Variants in ZNF214 observed in about 807,000 individuals in gnomAD.
The protein encoded by ZNF214 is zinc finger protein 214, also known as BWSCR2-associated zinc finger protein 1.
ZNF214 carries 43 observed loss-of-function variants against 53.9 expected under a neutral mutation model. The observed-to-expected ratio is 0.80, with a 90% CI of 0.63 to 1.03. ZNF214 has a LOEUF of 1.03. Ranked by LOEUF, ZNF214 falls within the 50% of genes least tolerant of loss-of-function variation. The pLI, the probability that ZNF214 is intolerant of heterozygous loss-of-function variation, is 0.00. For missense variants in ZNF214, 724 were observed against 719.1 expected (o/e 1.01, Z -0.08); for synonymous variants, 217 against 229.5 (o/e 0.95, Z 0.49).
Position 7,000,310 on chromosome 11 carries a change from C to T in ZNF214, c.1373G>A (p.Arg458His), listed in dbSNP as rs374861820. Residue 458 changes from arginine (R) to histidine (H), a missense_variant, in exon 3 of 3, where the codon CGC (arginine) becomes CAC (histidine). Physicochemically the swap from Arg to His is conservative, Grantham distance 29. Transcript: ENST00000278314. ...CCCTGTATGGACTCTCTGATGAATG[C>T]GAAGATCTGAGCTGTGACTAAAGTC... ...GKDFSHSSDL[R>H]IHQRVHTGEK... is the part of the protein sequence containing the mutation. The T allele has an allele frequency of 2.1e-5, 34 of 1,612,940 alleles. No homozygotes were observed. The highest frequency in any genetic ancestry group is 1.6e-4 in the Middle Eastern group (1 of 6,072).
rs1333120222 is a variant in ZNF214 at position 7,000,025 on chromosome 11, G to A, written c.1658C>T (p.Pro553Leu). 6 of 1,613,168 alleles carry A rather than the reference G, an allele frequency of 3.7e-6. No individual in the cohort carries two copies. The African/African-American group carries it at 8.0e-5, about 22-fold the overall frequency. ...IHQRVHTGEK[P>L]YQCAKCGKGF... Reference sequence around the variant, plus strand: ...TTTACCACACTTAGCACATTGATAAGGCTTCTCTCCTGTATGGACCCTCTG... The same window carrying A: ...TTTACCACACTTAGCACATTGATAAAGCTTCTCTCCTGTATGGACCCTCTG... The change falls in exon 3 of 3, where the codon CCT (proline) becomes CTT (leucine). Residue 553 changes from proline to leucine, a missense_variant. Coordinates refer to ENST00000278314, the MANE Select transcript of ZNF214 (RefSeq NM_013249.4).
chr11:6,998,479 T>C lies in ZNF214; in HGVS notation c.*1383A>G, dbSNP rs1271465503. Among the ~76,000 whole-genome samples, 2 of 152,050 alleles carry C rather than the reference T, an allele frequency of 1.3e-5. No homozygotes were observed. Among genetic ancestry groups the C allele is most frequent in the Non-Finnish European group, 2.9e-5 (2 of 67,958 alleles). On this transcript the variant is annotated 3_prime_UTR_variant, in exon 3 of 3. Coordinates refer to ENST00000278314, the MANE Select transcript of ZNF214 (RefSeq NM_013249.4). The stretch of plus-strand genomic sequence containing the variant: ...TTCTTTCTTAGTTTCCATCTCATTA[T>C]CCTTTTCAGATACATTTAAGATCAG...
chr11:7,010,552 C>T (rs529279946), intron 1 of ZNF214, among the ~76,000 whole-genome samples: 7 of 150,106 alleles, frequency 4.7e-5, no homozygotes, highest in African/African-American at 1.5e-4. Context: ...GTATATATAA[C>T]CCTAATCCTA....
At chr11:7,019,434 A>C (rs1851858039) in intron 1 of ZNF214, among the ~76,000 whole-genome samples, 1 of 152,186 alleles carries the variant, frequency 6.6e-6, no homozygotes, top group Non-Finnish European at 1.5e-5. Flanking sequence ...CAGCACACTT[A>C]AATAGTATCT....
chr11:7,009,685 A>G (rs1454795348), intron 1 of ZNF214, among the ~76,000 whole-genome samples: 1 of 152,216 alleles, frequency 6.6e-6, no homozygotes, highest in Non-Finnish European at 1.5e-5. Context: ...CATCTGACGA[A>G]GGTCCAAAGT....
chr11:6,999,896 T>C lies in ZNF214; in HGVS notation c.1787A>G (p.His596Arg), dbSNP rs934068421. ...TCCTCTTCTATGATTATTGTGAAGA[T>C]GTGAATTATGATCAAATCCCTTATA... The part of the protein sequence containing the change: ...EYYKGFDHNS[H>R]LHNNHRRGNL The change falls in exon 3 of 3, where the codon CAT becomes CGT. Residue 596 changes from histidine (H) to arginine (R), a missense_variant. Coordinates refer to ENST00000278314, the MANE Select transcript of ZNF214 (RefSeq NM_013249.4). 27 of 1,611,314 alleles carry C rather than the reference T, an allele frequency of 1.7e-5. No homozygotes were observed. Among genetic ancestry groups the C allele is most frequent in the Non-Finnish European group, 2.3e-5 (27 of 1,178,622 alleles).
intron 1 of ZNF214, among the ~76,000 whole-genome samples, chr11:7,017,268 G>C (rs1851791158): frequency 6.6e-6 from 1 of 152,154 alleles, no homozygotes; most frequent in African/African-American, 2.4e-5. Context: ...AATGGTTGTA[G>C]GAGTTCAAGT....
Position 7,000,703 on chromosome 11 carries a change from TC to T in ZNF214, c.979del (p.Glu327LysfsTer27). On this transcript the variant is annotated frameshift_variant, in exon 3 of 3. Transcript: ENST00000278314. LOFTEE classifies it high-confidence loss of function. ...SLHNHQRVHT[E>X]EKFYKIECDK... is the part of the protein sequence containing the mutation. The stretch of plus-strand genomic sequence containing the variant: ...ACACTCAATTTTATAGAATTTCTCT[TC>T]TGTGTGGACTCTTTGATGATTGTGA... The T allele has an allele frequency of 6.2e-7, 1 of 1,606,016 alleles. No homozygotes were observed. Among genetic ancestry groups the T allele is most frequent in the Non-Finnish European group, 8.5e-7 (1 of 1,177,774 alleles).
chr11:7,013,069 T>A (rs1589844052), intron 1 of ZNF214, among the ~76,000 whole-genome samples: 1 of 152,066 alleles, frequency 6.6e-6, no homozygotes, highest in Non-Finnish European at 1.5e-5. Flanking sequence ...TGATGAGAGA[T>A]CTGTTTTTTC....
At position 7,000,932 on chromosome 11, in the gene ZNF214, T is replaced by C. The variant is rs1404932318; in HGVS notation, c.751A>G (p.Ile251Val). 1 of 1,613,112 alleles carries C rather than the reference T, an allele frequency of 6.2e-7. No homozygotes were observed. The highest frequency in any genetic ancestry group is 8.5e-7 in the Non-Finnish European group (1 of 1,179,562). The change falls in exon 3 of 3, where the codon ATC becomes GTC. Residue 251 changes from isoleucine (I) to valine (V), a missense_variant. Coordinates refer to ENST00000278314, the MANE Select transcript of ZNF214 (RefSeq NM_013249.4). The part of the protein sequence containing the change: ...QPGENLCQCS[I>V]CKACFSQRSD... ...CTCTGAGAGAAGCATGCTTTACAGA[T>C]GGAGCATTGACAGAGGTTTTCTCCA...
rs946311743 is a variant in ZNF214, at chr11:7,000,736, G to C, written c.947C>G (p.Ser316Cys). ...NACGKSFSQISSLHNHQRVHT... is the reference protein window; with the variant it reads ...NACGKSFSQICSLHNHQRVHT... ...GACTCTTTGATGATTGTGAAGACTA[G>C]AGATCTGGCTGAAGCTCTTACCACA... The change falls in exon 3 of 3, where the codon TCT becomes TGT. Residue 316 changes from serine to cysteine, a missense_variant. Transcript: ENST00000278314. 6.2e-7 allele frequency: 1 copy of C among 1,610,660 alleles called. No individual in the cohort carries two copies.
chr11:7,008,965 G>A (rs1851540085), intron 1 of ZNF214, among the ~76,000 whole-genome samples: 1 of 152,086 alleles, frequency 6.6e-6, no homozygotes, highest in African/African-American at 2.4e-5. Context: ...AACATTCTAT[G>A]CTTATGGATA....
chr11:7,016,922 A>C (rs1851784110), intron 1 of ZNF214, among the ~76,000 whole-genome samples: 1 of 152,196 alleles, frequency 6.6e-6, no homozygotes, highest in Admixed American at 6.5e-5. Context: ...AAGTAAAAGA[A>C]ATGAGATTTC....
At chr11:7,009,967 T>C (rs1009351685) in intron 1 of ZNF214, among the ~76,000 whole-genome samples, 2 of 152,136 alleles carry the variant, frequency 1.3e-5, no homozygotes, top group African/African-American at 4.8e-5. Flanking sequence ...AATACGCTGA[T>C]GGTGGGAATG....
chr11:7,000,918 G>C lies in ZNF214; in HGVS notation c.765C>G (p.Cys255Trp). Residue 255 changes from cysteine to tryptophan, a missense_variant, in exon 3 of 3, where the codon TGC becomes TGG. By Grantham distance (215) the Cys-to-Trp change is radical. Transcript: ENST00000278314. The part of the protein sequence containing the change: ...NLCQCSICKA[C>W]FSQRSDLYRH... Reference sequence around the variant, plus strand: ...TATACAAGTCTGATCTCTGAGAGAAGCATGCTTTACAGATGGAGCATTGAC... The same window carrying C: ...TATACAAGTCTGATCTCTGAGAGAACCATGCTTTACAGATGGAGCATTGAC... The C allele has an allele frequency of 1.2e-6, 2 of 1,613,190 alleles. No individual in the cohort carries two copies. Among genetic ancestry groups the C allele is most frequent in the Non-Finnish European group, 1.7e-6 (2 of 1,179,582 alleles).
At chr11:7,006,950 G>A (rs757090715) in intron 1 of ZNF214, among the ~76,000 whole-genome samples, 4 of 152,100 alleles carry the variant, frequency 2.6e-5, no homozygotes, top group Admixed American at 1.3e-4. Context: ...AGGTGATCAA[G>A]TACCTTGGTG....
intron 1 of ZNF214, among the ~76,000 whole-genome samples, chr11:7,011,409 T>C (rs1274829921): frequency 1.3e-5 from 2 of 152,022 alleles, no homozygotes; most frequent in African/African-American, 2.4e-5. Flanking sequence ...TAATAGACTA[T>C]AGAATAAATC....
chr11:7,004,236 C>A (rs1029465668), intron 1 of ZNF214, among the ~76,000 whole-genome samples: 1 of 151,912 alleles, frequency 6.6e-6, no homozygotes, highest in Admixed American at 6.6e-5. Flanking sequence ...CCTACCTTCC[C>A]CCAAATAATT....
intron 1 of ZNF214, 73 bp from the exon 2 acceptor site, chr11:7,002,928 C>T (rs914995697): frequency 2.8e-5 from 39 of 1,369,740 alleles, no homozygotes; most frequent in South Asian, 9.3e-5. Context: ...TGTGGCAAGC[C>T]GAATAGAAAA....
Sources: allele counts gnomAD v4.1 joint callset (sites outside exome capture counted in the v4.1 genomes callset), GRCh38; gene constraint gnomAD v4.1.1; transcripts MANE v1.5; gene names NCBI Gene and HGNC (gene_info 2026-07-23, HGNC 2026-07-21).